The following ADCY5 variants were observed in gnomAD, a reference collection of about 807,000 sequenced individuals.
The protein encoded by ADCY5 is adenylate cyclase type 5.
ADCY5 carries 30 observed loss-of-function variants against 119.7 expected under a neutral mutation model. That is an observed-to-expected ratio of 0.25 (90% confidence interval 0.19 to 0.34). The LOEUF (loss-of-function observed/expected upper bound fraction) is 0.34. Among genes scored for constraint, ADCY5 ranks in the 10% least tolerant of loss-of-function variants. ADCY5 has a pLI of 1.00. For synonymous variants in ADCY5, 753 were observed against 762.2 expected (o/e 0.99, Z 0.20); for missense variants, 1,324 against 1,775.2 (o/e 0.75, Z 4.57).
intron 1 of ADCY5, among the ~76,000 whole-genome samples, chr3:123,415,624 G>A (rs1160399082): frequency 6.6e-6 from 1 of 152,196 alleles, no homozygotes; most frequent in Non-Finnish European, 1.5e-5. Flanking sequence ...GTGGCCTTGG[G>A]GAGGAGCTCC....
At chr3:123,378,049 A>T (rs1241909378) in intron 1 of ADCY5, among the ~76,000 whole-genome samples, 1 of 152,234 alleles carries the variant, frequency 6.6e-6, no homozygotes, top group Non-Finnish European at 1.5e-5. Flanking sequence ...CTTTAAGTAA[A>T]AGCACTCAAC....
At chr3:123,362,515 C>A (rs28566141) in intron 1 of ADCY5, among the ~76,000 whole-genome samples, 2,527 of 152,274 alleles carry the variant, frequency 0.017, 76 homozygotes, top group African/African-American at 0.058. Flanking sequence ...TTTTTAATTA[C>A]TTATTCCTAG....
At chr3:123,303,316 C>T (rs975981034) in intron 13 of ADCY5, 97 bp from the exon 14 acceptor site, 27 of 1,330,732 alleles carry the variant, frequency 2.0e-5, no homozygotes, top group African/African-American at 4.3e-5. Context: ...GCCTGTCCTC[C>T]GCCTCAGGTG....
At chr3:123,293,770 T>A (rs1939319692) in intron 17 of ADCY5, among the ~76,000 whole-genome samples, 2 of 152,194 alleles carry the variant, frequency 1.3e-5, no homozygotes, top group South Asian at 4.1e-4. Flanking sequence ...TCTGTACAGA[T>A]GGATACTGAA....
intron 9 of ADCY5, among the ~76,000 whole-genome samples, chr3:123,320,442 C>T (rs372611672): frequency 2.0e-4 from 30 of 152,328 alleles, no homozygotes; most frequent in African/African-American, 7.2e-4. Context: ...GCACTGCTGA[C>T]CAGTGTGTAA....
At chr3:123,389,493 G>A (rs555672428) in intron 1 of ADCY5, among the ~76,000 whole-genome samples, 1,962 of 146,688 alleles carry the variant, frequency 0.013, 31 homozygotes, top group African/African-American at 0.043. Context: ...GAGAGTTTTC[G>A]CAAAAGAGAG....
intron 1 of ADCY5, among the ~76,000 whole-genome samples, chr3:123,391,056 C>T (rs570662842): frequency 2.6e-5 from 4 of 152,374 alleles, no homozygotes; most frequent in African/African-American, 9.6e-5. Flanking sequence ...ATCTGCCCCT[C>T]CAGGGGCTTG....
Position 123,284,745 on chromosome 3 carries a change from G to T in ADCY5, c.3658-9C>A, listed in dbSNP as rs763411878. 1 of 1,613,920 alleles carries T rather than the reference G, an allele frequency of 6.2e-7. No individual in the cohort carries two copies. The highest frequency in any genetic ancestry group is 1.3e-5 in the African/African-American group (1 of 74,948). On this transcript the variant is annotated splice_polypyrimidine_tract_variant and intron_variant, in intron 20 of 20. Coordinates refer to ENST00000462833, the MANE Select transcript of ADCY5 (RefSeq NM_183357.3). ...TACATGTCTGTGGTGACCTGTGGGG[G>T]AACAGGAGGAGAGAGGGCAAGCCAC...
chr3:123,347,975 T>A, intron 2 of ADCY5, 72 bp from the exon 3 acceptor site: 1 of 1,594,396 alleles, frequency 6.3e-7, no homozygotes, highest in Non-Finnish European at 8.6e-7. Context: ...CCTCCACACC[T>A]GTGCCCCTGC....
At chr3:123,316,907 A>G (rs369313507) in intron 11 of ADCY5, among the ~76,000 whole-genome samples, 6 of 152,236 alleles carry the variant, frequency 3.9e-5, no homozygotes, top group African/African-American at 1.4e-4. Flanking sequence ...TGAAAAAAAC[A>G]CTGCAAAATA....
Position 123,286,601 on chromosome 3 carries a change from G to T in ADCY5, c.3657+84C>A. 6.7e-7 allele frequency: 1 copy of T among 1,488,678 alleles called. No individual in the cohort carries two copies. Among genetic ancestry groups the T allele is most frequent in the South Asian group, 1.4e-5 (1 of 73,972 alleles). 92.2% of individuals were successfully genotyped at this position (1,488,678 alleles called of 1,614,324 possible). The stretch of plus-strand genomic sequence containing the variant: ...GCTGCAGACATTCTGACTGGGAACT[G>T]TAGGTGGCCTGCCCTGAAGACCTCT... On this transcript the variant is annotated intron_variant, in intron 20 of 20. Coordinates refer to ENST00000462833, the MANE Select transcript of ADCY5 (RefSeq NM_183357.3). This position sits in a 1 kb window ranked among gnomAD's most constrained non-coding sequence, Gnocchi z 4.2.
In ADCY5 at chr3:123,303,152, A is replaced by C. The variant is rs1314638206; in HGVS notation, c.2627T>G (p.Val876Gly). The C allele has an allele frequency of 1.2e-6, 2 of 1,613,858 alleles. No individual in the cohort carries two copies. Among genetic ancestry groups the C allele is most frequent in the South Asian group, 2.2e-5 (2 of 91,080 alleles). ...CGACTCCGCCACGTGACACGCGTTG[A>C]CCTGGCTCGCGCTGATGTTGTGCTC... is the stretch of plus-strand genomic sequence containing the variant. The part of the protein sequence containing the change: ...AQEHNISASQ[V>G]NACHVAESAV... Residue 876 changes from valine to glycine, a missense_variant, in exon 14 of 21, where the codon GTC (valine) becomes GGC (glycine). Val to Gly is a moderately radical substitution (Grantham distance 109). Coordinates refer to ENST00000462833, the MANE Select transcript of ADCY5 (RefSeq NM_183357.3).
chr3:123,417,869 G>C (rs1945219925), intron 1 of ADCY5, among the ~76,000 whole-genome samples: 1 of 152,186 alleles, frequency 6.6e-6, no homozygotes, highest in African/African-American at 2.4e-5. Context: ...TATAAATGAA[G>C]GCTCGTAAGG....
intron 1 of ADCY5, among the ~76,000 whole-genome samples, chr3:123,442,468 T>C (rs948358732): frequency 5.9e-5 from 9 of 152,248 alleles, no homozygotes; most frequent in African/African-American, 2.2e-4. Flanking sequence ...TGGCCAGAGC[T>C]TGAATGAATA....
chr3:123,401,719 T>C (rs937195386), intron 1 of ADCY5, among the ~76,000 whole-genome samples: 2 of 152,112 alleles, frequency 1.3e-5, no homozygotes, highest in Non-Finnish European at 2.9e-5. Flanking sequence ...CAGGAACTTT[T>C]CCCCAAACTT....
At chr3:123,319,524 C>T (rs948101567) in intron 10 of ADCY5, 150 bp downstream of exon 10, 4 of 928,732 alleles carry the variant, frequency 4.3e-6, no homozygotes, top group Middle Eastern at 6.0e-4. Flanking sequence ...GAACTCGCAT[C>T]TCTCTAGGTA....
intron 17 of ADCY5, among the ~76,000 whole-genome samples, chr3:123,291,615 C>T (rs1939157511): frequency 6.6e-6 from 1 of 152,182 alleles, no homozygotes; most frequent in African/African-American, 2.4e-5. Flanking sequence ...CTCGAACTCT[C>T]TCTGCCAGCC....
chr3:123,327,677 C>G lies in ADCY5; in HGVS notation c.1888G>C (p.Ala630Pro), dbSNP rs200831250. ...VEPGCGGERNAYLKEHSIETF... is the reference protein window; with the variant it reads ...VEPGCGGERNPYLKEHSIETF... ...TCGATACTGTGCTCCTTGAGGTAGG[C>G]GTTGCGCTCGCCCCCACAGCCTGGC... The change falls in exon 7 of 21, where the codon GCC becomes CCC. Residue 630 changes from alanine (A) to proline (P), a missense_variant. This residue lies in a region of ADCY5 where 424 missense variants were observed against 546.8 expected (regional missense o/e 0.78). Transcript: ENST00000462833. The G allele has an allele frequency of 3.7e-6, 6 of 1,613,992 alleles. No homozygotes were observed. Among genetic ancestry groups the G allele is most frequent in the Non-Finnish European group, 4.2e-6 (5 of 1,180,024 alleles).
intron 1 of ADCY5, among the ~76,000 whole-genome samples, chr3:123,445,389 C>A (rs1458941259): frequency 4.0e-5 from 6 of 151,568 alleles, no homozygotes; most frequent in African/African-American, 1.5e-4. Context: ...TCCAACCCCC[C>A]TCAGGAGAAA....
Sources: allele counts gnomAD v4.1 joint callset (sites outside exome capture counted in the v4.1 genomes callset), GRCh38; gene constraint gnomAD v4.1.1; regional missense constraint gnomAD v4.1.1; non-coding constraint Gnocchi (gnomAD v3.1); transcripts MANE v1.5; gene names NCBI Gene and HGNC (gene_info 2026-07-23, HGNC 2026-07-21).